SH3BP5: variants seen among roughly 807,000 people sequenced by gnomAD.
SH3BP5 encodes SH3 domain-binding protein 5.
SH3BP5 carries 22 observed loss-of-function variants against 43.3 expected under a neutral mutation model. That is an observed-to-expected ratio of 0.51 (90% CI 0.36 to 0.73). The LOEUF (loss-of-function observed/expected upper bound fraction) is 0.73, where lower values mean the gene tolerates loss of function less well. Among genes scored for constraint, SH3BP5 ranks in the 30% least tolerant of loss-of-function variants. The probability of loss-of-function intolerance (pLI) is 0.00; values close to 1 mark genes in which losing one functional copy is unlikely to be tolerated. For missense variants in SH3BP5, 529 were observed against 586.9 expected (o/e 0.90, Z 1.02); for synonymous variants, 255 against 225.8 (o/e 1.13, Z -1.16).
intron 2 of SH3BP5, among the ~76,000 whole-genome samples, chr3:15,330,017 T>G (rs976814984): frequency 6.6e-6 from 1 of 152,094 alleles, no homozygotes; most frequent in Non-Finnish European, 1.5e-5. Context: ...TAGCAGACAA[T>G]AAAGAAATGA....
chr3:15,308,894 C>A (rs1697980798), intron 2 of SH3BP5, among the ~76,000 whole-genome samples: 1 of 152,114 alleles, frequency 6.6e-6, no homozygotes, highest in Admixed American at 6.5e-5. Flanking sequence ...TAATTTATTT[C>A]CAATGCACCC....
upstream of SH3BP5, among the ~76,000 whole-genome samples, chr3:15,337,484 A>G (rs772705754): frequency 2.9e-4 from 44 of 152,222 alleles, no homozygotes; most frequent in Non-Finnish European, 5.9e-4. Flanking sequence ...CTAGATCTGC[A>G]GAAAGCAACA....
intron 4 of SH3BP5, among the ~76,000 whole-genome samples, chr3:15,262,593 T>G (rs1324860318): frequency 6.6e-6 from 1 of 151,118 alleles, no homozygotes; most frequent in Non-Finnish European, 1.5e-5. Flanking sequence ...GAGGCAGAGG[T>G]TGCAGTGAGC....
intron 3 of SH3BP5, among the ~76,000 whole-genome samples, chr3:15,274,349 G>A (rs1226193273): frequency 2.0e-5 from 3 of 152,104 alleles, no homozygotes; most frequent in African/African-American, 4.8e-5. Context: ...TGTACAAGAA[G>A]CCTGATTCTG....
At chr3:15,257,314 G>T (rs921406856) in intron 7 of SH3BP5, 35 of 568,790 alleles carry the variant, frequency 6.2e-5, no homozygotes, top group Non-Finnish European at 1.0e-4. Context: ...CTGGCAGCAG[G>T]ATCCCATGGA....
Position 15,332,463 on chromosome 3 carries a change from C to T in SH3BP5, c.-55G>A. 2 of 1,455,614 alleles carry T rather than the reference C, an allele frequency of 1.4e-6. No homozygotes were observed. The highest frequency in any genetic ancestry group is 2.8e-5 in the East Asian group (1 of 35,892). The allele number at this position is 1,455,614 out of a possible 1,614,324, so 90.2% of individuals were successfully genotyped here. A position where few individuals can be genotyped will look rare whatever the true frequency, so the allele number is the denominator to read the frequency against. ...GGGCTCCGGAGCGCCCCGGGGGTCG[C>T]GGCTGCCACAGGCTGGGCTGGAGCC... On this transcript the variant is annotated 5_prime_UTR_variant, in exon 1 of 9. Coordinates refer to ENST00000383791, the MANE Select transcript of SH3BP5 (RefSeq NM_004844.5).
chr3:15,298,884 G>C (rs1426770504), intron 3 of SH3BP5, among the ~76,000 whole-genome samples: 1 of 152,106 alleles, frequency 6.6e-6, no homozygotes, highest in Non-Finnish European at 1.5e-5. Flanking sequence ...ATGGTGGTAA[G>C]AGTTGCACAG....
intron 3 of SH3BP5, among the ~76,000 whole-genome samples, chr3:15,288,399 AAG>A (rs1697322576): frequency 6.6e-6 from 1 of 152,240 alleles, no homozygotes; most frequent in African/African-American, 2.4e-5. Flanking sequence ...TCACTTTGGT[AAG>A]ATAATTCAGC....
intron 2 of SH3BP5, among the ~76,000 whole-genome samples, chr3:15,327,413 C>A (rs898378200): frequency 6.7e-5 from 10 of 150,290 alleles, no homozygotes; most frequent in South Asian, 2.1e-4. Flanking sequence ...AAAAAAAAAA[C>A]AAAACAAAAC....
chr3:15,258,778 C>G, intron 7 of SH3BP5, 53 bp downstream of exon 7: 2 of 1,508,886 alleles, frequency 1.3e-6, no homozygotes. Context: ...CCTTGGGAAA[C>G]AAATCACACA....
At chr3:15,321,404 C>T (rs765971392) in intron 2 of SH3BP5, among the ~76,000 whole-genome samples, 2 of 152,174 alleles carry the variant, frequency 1.3e-5, no homozygotes, top group Non-Finnish European at 2.9e-5. Flanking sequence ...CCCACAACAT[C>T]AGGTTTTATC....
At chr3:15,289,721 T>A (rs530650796) in intron 3 of SH3BP5, among the ~76,000 whole-genome samples, 17 of 152,190 alleles carry the variant, frequency 1.1e-4, no homozygotes, top group African/African-American at 3.9e-4. Flanking sequence ...TCCTATGGCC[T>A]TGGGTGTTGA....
intron 3 of SH3BP5, among the ~76,000 whole-genome samples, chr3:15,282,543 G>C (rs1393274802): frequency 1.3e-5 from 2 of 151,894 alleles, no homozygotes; most frequent in African/African-American, 4.8e-5. Flanking sequence ...AGCATAATTT[G>C]AGGGGAAAAG....
chr3:15,332,233 C>A, intron 1 of SH3BP5, 38 bp downstream of exon 1: 1 of 1,549,996 alleles, frequency 6.5e-7, no homozygotes, highest in African/African-American at 1.4e-5. Flanking sequence ...TAGCAGCCCT[C>A]GCGAAGCCCG....
intron 1 of SH3BP5, among the ~76,000 whole-genome samples, chr3:15,337,686 G>C (rs542721548): frequency 6.6e-6 from 1 of 151,798 alleles, no homozygotes; most frequent in African/African-American, 2.4e-5. Context: ...GAGGAGGATC[G>C]CTTGAGGCCA....
At chr3:15,294,309 G>GTT (rs1697501609) in intron 3 of SH3BP5, among the ~76,000 whole-genome samples, 1 of 143,144 alleles carries the variant, frequency 7.0e-6, no homozygotes, top group African/African-American at 2.7e-5. Context: ...GTGTGTGTGT[G>GTT]TGTGTGTGTG....
intron 2 of SH3BP5, among the ~76,000 whole-genome samples, chr3:15,323,739 T>C (rs372205137): frequency 2.0e-5 from 3 of 152,176 alleles, no homozygotes; most frequent in African/African-American, 7.2e-5. Flanking sequence ...CAGCAAAAAC[T>C]GAGACACAAT....
chr3:15,306,002 C>A (rs1697892568), intron 2 of SH3BP5, among the ~76,000 whole-genome samples: 2 of 149,548 alleles, frequency 1.3e-5, no homozygotes, highest in Admixed American at 6.7e-5. Context: ...CTCCCTCAGG[C>A]ATCTGCCTGA....
intron 2 of SH3BP5, among the ~76,000 whole-genome samples, chr3:15,322,212 A>AG (rs983464292): frequency 1.2e-4 from 18 of 152,018 alleles, no homozygotes. Flanking sequence ...CAAAAAAAAA[A>AG]ATAATAACTA....
Sources: gnomAD v4.1 joint callset for allele counts (sites outside exome capture counted in the v4.1 genomes callset) on GRCh38, gnomAD v4.1.1 for gene constraint, MANE v1.5 for transcripts, NCBI Gene and HGNC (gene_info 2026-07-23, HGNC 2026-07-21) for gene names.